Variants in CCDC69 observed in about 807,000 individuals in gnomAD.
CCDC69 encodes coiled-coil domain-containing protein 69.
In CCDC69, 38 loss-of-function variants were observed where a neutral mutation model predicts 40.3. The observed-to-expected ratio is 0.94, with a 90% CI of 0.73 to 1.24. The LOEUF is 1.24. Among genes scored for constraint, CCDC69 ranks in the 50% most tolerant of loss-of-function variants. The pLI, the probability that CCDC69 is intolerant of heterozygous loss-of-function variation, is 0.00. For missense variants in CCDC69, 389 were observed against 357.9 expected, an observed-to-expected ratio of 1.09 and a Z score of -0.70; for synonymous variants, 141 against 138.9, an observed-to-expected ratio of 1.02 and a Z score of -0.11.
chr5:151,218,431 C>T (rs1469185229), intron 1 of CCDC69, among the ~76,000 whole-genome samples: 1 of 152,222 alleles, frequency 6.6e-6, no homozygotes. Flanking sequence ...AGCCCAAGTA[C>T]ACCCTGAGGT....
At position 151,185,524 on chromosome 5, in the gene CCDC69, G is replaced by A. The variant is rs764569840; in HGVS notation, c.513C>T (p.Ser171=). Residue 171 remains serine (S), a synonymous_variant, in exon 7 of 9, where the codon AGC becomes AGT. Transcript: ENST00000355417. ...TCTCCAGCTCCTGCTCCCAGAACTG[G>A]CTGGGGCTCCCATAATCCTAGACAG... ...KKHIQDYGSP[S]QFWEQELESL... 1 of 1,613,974 alleles carries A rather than the reference G, an allele frequency of 6.2e-7. No individual in the cohort carries two copies. The highest frequency in any genetic ancestry group is 8.5e-7 in the Non-Finnish European group (1 of 1,179,916).
At chr5:151,203,509 C>CA (rs1209819006) in intron 2 of CCDC69, among the ~76,000 whole-genome samples, 8 of 140,390 alleles carry the variant, frequency 5.7e-5, no homozygotes, top group Admixed American at 3.0e-4. Context: ...AACTCCGTCT[C>CA]AAAAAAATAA....
chr5:151,185,249 G>C (rs905817507), intron 7 of CCDC69, 173 bp downstream of exon 7: 3 of 648,864 alleles, frequency 4.6e-6, no homozygotes, highest in Non-Finnish European at 8.0e-6. Flanking sequence ...GCCACTGCTT[G>C]ACCCAGCCTG....
intron 4 of CCDC69, among the ~76,000 whole-genome samples, chr5:151,193,635 A>G (rs548505943): frequency 2.0e-5 from 3 of 152,296 alleles, no homozygotes; most frequent in Non-Finnish European, 4.4e-5. Flanking sequence ...ATCTAAATAT[A>G]AAACCATAAG....
intron 3 of CCDC69, among the ~76,000 whole-genome samples, chr5:151,199,355 A>C (rs1752747929): frequency 6.6e-6 from 1 of 152,106 alleles, no homozygotes; most frequent in Non-Finnish European, 1.5e-5. Flanking sequence ...TGCTTCCTCA[A>C]GGCAGGAAGC....
intron 1 of CCDC69, among the ~76,000 whole-genome samples, chr5:151,220,035 T>A (rs1432318930): frequency 6.6e-6 from 1 of 152,136 alleles, no homozygotes; most frequent in Non-Finnish European, 1.5e-5. Flanking sequence ...CTGCTTTCCA[T>A]GCCCCTTGAC....
intron 3 of CCDC69, among the ~76,000 whole-genome samples, chr5:151,200,060 G>A (rs1752755636): frequency 6.6e-6 from 1 of 152,158 alleles, no homozygotes; most frequent in South Asian, 2.1e-4. Context: ...CAAGTCGACT[G>A]GGTGAATAAA....
chr5:151,190,225 G>A (rs546527112), intron 4 of CCDC69, among the ~76,000 whole-genome samples: 2 of 152,282 alleles, frequency 1.3e-5, no homozygotes, highest in South Asian at 4.1e-4. Context: ...AAATATGATT[G>A]ATGATTAAAT....
chr5:151,215,601 T>C, intron 1 of CCDC69: 1 of 405,288 alleles, frequency 2.5e-6, no homozygotes, highest in Non-Finnish European at 5.2e-6. Flanking sequence ...TCAGGAGGCC[T>C]GGGTGAGAAC....
intron 7 of CCDC69, chr5:151,184,865 C>A: frequency 6.2e-6 from 1 of 162,188 alleles, no homozygotes; most frequent in Non-Finnish European, 1.3e-5. Flanking sequence ...TCACGTGACT[C>A]AAGCCCCCAG....
chr5:151,202,381 A>G (rs1752787928), intron 2 of CCDC69, among the ~76,000 whole-genome samples: 2 of 152,136 alleles, frequency 1.3e-5, no homozygotes, highest in African/African-American at 2.4e-5. Context: ...ATAATAATTT[A>G]AAAATTAGTT....
chr5:151,213,451 A>C (rs548067895), intron 1 of CCDC69, among the ~76,000 whole-genome samples: 1 of 149,350 alleles, frequency 6.7e-6, no homozygotes, highest in Non-Finnish European at 1.5e-5. Flanking sequence ...ATGGGGTTTC[A>C]CCATGTTAGC....
At chr5:151,194,891 C>CAAAA (rs59836328) in intron 4 of CCDC69, among the ~76,000 whole-genome samples, 126 of 92,234 alleles carry the variant, frequency 1.4e-3, no homozygotes, top group East Asian at 7.8e-3. Context: ...GCCTCCATCT[C>CAAAA]AAAAAAAAAA....
At chr5:151,184,023 G>A (rs1270359042) in intron 8 of CCDC69, among the ~76,000 whole-genome samples, 1 of 152,120 alleles carries the variant, frequency 6.6e-6, no homozygotes, top group African/African-American at 2.4e-5. Context: ...TATTTACTAA[G>A]CCCTAAGAAC....
intron 3 of CCDC69, among the ~76,000 whole-genome samples, chr5:151,201,129 C>G (rs976079522): frequency 6.6e-6 from 1 of 152,228 alleles, no homozygotes; most frequent in African/African-American, 2.4e-5. Context: ...ACCCAGAGAT[C>G]AGGCTGATAG....
chr5:151,205,546 G>GAC, intron 1 of CCDC69, 71 bp from the exon 2 acceptor site: 1 of 1,288,570 alleles, frequency 7.8e-7, no homozygotes, highest in South Asian at 1.2e-5. Flanking sequence ...GGCTGCTATA[G>GAC]TGGGACTCTT....
intron 7 of CCDC69, 59 bp from the exon 8 acceptor site, chr5:151,184,500 G>A: frequency 9.6e-7 from 1 of 1,037,584 alleles, no homozygotes; most frequent in Non-Finnish European, 1.5e-6. Context: ...GATGTGTGCT[G>A]TCACCTCCCT....
intron 1 of CCDC69, among the ~76,000 whole-genome samples, chr5:151,213,651 T>C (rs1038870666): frequency 2.0e-5 from 3 of 152,146 alleles, no homozygotes; most frequent in Non-Finnish European, 1.5e-5. Context: ...GGAATCCTAG[T>C]AGGATGGAAG....
chr5:151,183,363 C>T lies in CCDC69; in HGVS notation c.*74G>A, dbSNP rs1766671752. The T allele has an allele frequency of 6.7e-7, 1 of 1,487,674 alleles. No individual in the cohort carries two copies. 92.2% of individuals were successfully genotyped at this position (1,487,674 alleles called of 1,614,324 possible). A position where few individuals can be genotyped will look rare whatever the true frequency, so the allele number is the denominator to read the frequency against. On this transcript the variant is annotated 3_prime_UTR_variant, in exon 9 of 9. Coordinates refer to ENST00000355417, the MANE Select transcript of CCDC69 (RefSeq NM_015621.3). ...CTTCCTGGAAAAGAACTGAGAGGCT[C>T]CTGCTGTCTTCTCCAGAAAAACCTT...
Sources: allele counts gnomAD v4.1 joint callset (sites outside exome capture counted in the v4.1 genomes callset), GRCh38; gene constraint gnomAD v4.1.1; transcripts MANE v1.5; gene names NCBI Gene and HGNC (gene_info 2026-07-23, HGNC 2026-07-21).